Variants in FNDC7 observed in about 807,000 individuals in gnomAD.
FNDC7 encodes fibronectin type III domain-containing protein 7.
FNDC7 carries 66 observed loss-of-function variants against 74.2 expected under a neutral mutation model. That is an observed-to-expected ratio of 0.89 (90% CI 0.73 to 1.09). FNDC7 has a LOEUF of 1.09. Ranked by LOEUF, FNDC7 falls within the 50% of genes least tolerant of loss-of-function variation. The pLI is 0.00. For synonymous variants in FNDC7, 307 were observed against 330.2 expected, an observed-to-expected ratio of 0.93 and a Z score of 0.76; for missense variants, 829 against 893.4, an observed-to-expected ratio of 0.93 and a Z score of 0.92.
At chr1:108,726,074 A>G (rs1491003526) in intron 6 of FNDC7, 70 bp downstream of exon 6, 4 of 1,551,396 alleles carry the variant, frequency 2.6e-6, no homozygotes, top group Admixed American at 1.7e-5. Flanking sequence ...TGGATCACCT[A>G]TTCCACTTAT....
At chr1:108,722,828 A>G (rs1402569956) in intron 5 of FNDC7, among the ~76,000 whole-genome samples, 4 of 152,222 alleles carry the variant, frequency 2.6e-5, no homozygotes, top group Non-Finnish European at 5.9e-5. Flanking sequence ...TCTATTCCAG[A>G]TCTTTCATTA....
intron 10 of FNDC7, among the ~76,000 whole-genome samples, chr1:108,735,323 C>T: frequency 6.6e-6 from 1 of 152,344 alleles, no homozygotes; most frequent in East Asian, 1.9e-4. Context: ...TCACTCCAGC[C>T]TCTGTAATGC....
At chr1:108,716,317 A>AGG (rs1368587302) in intron 2 of FNDC7, among the ~76,000 whole-genome samples, 1 of 59,424 alleles carries the variant, frequency 1.7e-5, no homozygotes, top group Non-Finnish European at 4.2e-5. Flanking sequence ...GGAGCAGAAG[A>AGG]GAGGTGTGTG....
chr1:108,725,965 G>A lies in FNDC7; in HGVS notation c.1072G>A (p.Gly358Arg). ...TAGTGTTTTTGTCTATAACAAGGCA[G>A]GGCAAAGTCCTTTGGGTGACATATT... ...FISVFVYNKAGQSPLGDIFNY... is the reference protein window; with the variant it reads ...FISVFVYNKARQSPLGDIFNY... Residue 358 changes from glycine (G) to arginine (R), a missense_variant, in exon 6 of 13, where the codon GGG becomes AGG. By Grantham distance (125) the Gly-to-Arg change is moderately radical (BLOSUM62 -2). Coordinates refer to ENST00000370017, the MANE Select transcript of FNDC7 (RefSeq NM_001144937.3). 1 of 1,614,166 alleles carries A rather than the reference G, an allele frequency of 6.2e-7. No homozygotes were observed. The highest frequency in any genetic ancestry group is 1.1e-5 in the South Asian group (1 of 91,082).
chr1:108,713,777 A>G (rs1269854185), intron 2 of FNDC7, among the ~76,000 whole-genome samples: 1 of 152,264 alleles, frequency 6.6e-6, no homozygotes, highest in African/African-American at 2.4e-5. Context: ...TATAATGTAC[A>G]GAGCCATGTA....
chr1:108,726,043 T>A, intron 6 of FNDC7, 39 bp downstream of exon 6: 2 of 1,604,954 alleles, frequency 1.2e-6, no homozygotes, highest in South Asian at 1.1e-5. Flanking sequence ...AGTTCTGAGA[T>A]CTCTAACCTC....
Position 108,742,055 on chromosome 1 carries a change from GTCAGGTGTGTCC to G in FNDC7, c.*172_*183del, listed in dbSNP as rs1421445866. On this transcript the variant is annotated 3_prime_UTR_variant, in exon 13 of 13. Coordinates refer to ENST00000370017, the MANE Select transcript of FNDC7 (RefSeq NM_001144937.3). ...TCTGACTCTGCTTCCTGAGGGCAAG[GTCAGGTGTGTCC>G]TCACCTGCACAGCAGTTGGAGATCT... 8 of 541,796 alleles carry G rather than the reference GTCAGGTGTGTCC, an allele frequency of 1.5e-5. No individual in the cohort carries two copies. Among genetic ancestry groups the G allele is most frequent in the Non-Finnish European group, 2.6e-5 (8 of 304,214 alleles). The allele number at this position is 541,796 out of a possible 1,614,324, so 33.6% of individuals were successfully genotyped here. A position where few individuals can be genotyped will look rare whatever the true frequency, so the allele number is the denominator to read the frequency against.
intron 4 of FNDC7, among the ~76,000 whole-genome samples, chr1:108,719,306 G>A (rs985363985): frequency 1.3e-5 from 2 of 152,154 alleles, no homozygotes; most frequent in Non-Finnish European, 2.9e-5. Context: ...CTCAATTTCA[G>A]CATTCACATT....
intron 4 of FNDC7, among the ~76,000 whole-genome samples, chr1:108,719,685 A>G (rs1401872267): frequency 6.6e-6 from 1 of 152,006 alleles, no homozygotes; most frequent in Non-Finnish European, 1.5e-5. Context: ...CCCCGAGCAA[A>G]GGACTCTGCA....
rs1661016248 is a variant in FNDC7 at position 108,717,973 on chromosome 1, C to T, written c.279C>T (p.Ile93=). 6.4e-7 allele frequency: 1 copy of T among 1,551,772 alleles called. No homozygotes were observed. The highest frequency in any genetic ancestry group is 2.0e-5 in the Admixed American group (1 of 51,014). The change falls in exon 3 of 13, where the codon ATC becomes ATT. Residue 93 remains isoleucine (I), a synonymous_variant. Coordinates refer to ENST00000370017, the MANE Select transcript of FNDC7 (RefSeq NM_001144937.3). ...LKAATWYEIT[I]RSISAAGRSQ... ...CTGCAACCTGGTATGAAATCACCAT[C>T]AGATCCATCAGCGCTGCTGGGAGAA...
At position 108,734,673 on chromosome 1, in the gene FNDC7, T is replaced by C. The variant is rs1444334878; in HGVS notation, c.2140+1141T>C. ...ATTGTCCCTGGCTGTCATGCTCTGA[T>C]TCCTTGTTTTTCCATTATTTGGTCC... On this transcript the variant is annotated intron_variant, in intron 10 of 12. Coordinates refer to ENST00000370017, the MANE Select transcript of FNDC7 (RefSeq NM_001144937.3). 2.2e-4 allele frequency: 33 copies of C among 152,186 alleles called. 1 individual carries two copies. The highest frequency in any genetic ancestry group is 2.2e-3 in the Admixed American group (33 of 15,276). The allele number at this position is 152,186 out of a possible 1,614,324, so 9.4% of individuals were successfully genotyped here.
At position 108,730,829 on chromosome 1, in the gene FNDC7, C is replaced by T. The variant is rs71655961; in HGVS notation, c.1780C>T (p.Leu594=). The change falls in exon 9 of 13, where the codon CTA becomes TTA. Residue 594 remains leucine (L), a synonymous_variant. Transcript: ENST00000370017. The stretch of plus-strand genomic sequence containing the variant: ...TCACACTCATCAAAACCACTGCCTC[C>T]TAGGATGCATCACATGTGGCATCAA... The part of the protein sequence containing the change: ...KCHTHQNHCL[L]GCITCGINYT... 6.2e-7 allele frequency: 1 copy of T among 1,613,924 alleles called. No homozygotes were observed. The highest frequency in any genetic ancestry group is 1.7e-5 in the Admixed American group (1 of 60,018).
At chr1:108,721,650 CT>C (rs890172067) in intron 4 of FNDC7, among the ~76,000 whole-genome samples, 1 of 152,110 alleles carries the variant, frequency 6.6e-6, no homozygotes, top group Non-Finnish European at 1.5e-5. Flanking sequence ...CCTTCTTACG[CT>C]TTTTTAATGC....
Position 108,728,013 on chromosome 1 carries a change from C to T in FNDC7, c.1317C>T (p.Phe439=), listed in dbSNP as rs1170557554. Residue 439 remains phenylalanine, a synonymous_variant, in exon 7 of 13, where the codon TTC becomes TTT. Transcript: ENST00000370017. ...AGTACAACATCACAGTGTATTCATT[C>T]AATGAAGTCCGAGGCAGCAATATGT... ...DTKYNITVYS[F]NEVRGSNMSC... The T allele has an allele frequency of 6.2e-7, 1 of 1,614,016 alleles. No individual in the cohort carries two copies. Among genetic ancestry groups the T allele is most frequent in the Non-Finnish European group, 8.5e-7 (1 of 1,180,038 alleles).
chr1:108,737,417 T>C (rs918053258), intron 10 of FNDC7, 78 bp from the exon 11 acceptor site: 11 of 1,333,416 alleles, frequency 8.2e-6, no homozygotes, highest in Non-Finnish European at 4.1e-6. Flanking sequence ...CCTTTTATTC[T>C]TTCTTAAGTT....
rs769603053 is a variant in FNDC7 at position 108,726,003 on chromosome 1, A to G, written c.1110A>G (p.Thr370=). The G allele has an allele frequency of 6.2e-7, 1 of 1,614,030 alleles. No homozygotes were observed. Among genetic ancestry groups the G allele is most frequent in the East Asian group, 2.2e-5 (1 of 44,882 alleles). ...TGGGTGACATATTCAATTATACCAC[A>G]GGTAAGTCCCATTTGATGTTTGTTA... ...SPLGDIFNYT[T]APCCPSDINP... is the part of the protein sequence containing the mutation. The change falls in exon 6 of 13, where the codon ACA becomes ACG. Residue 370 remains threonine (T), a splice_region_variant and synonymous_variant. Coordinates refer to ENST00000370017, the MANE Select transcript of FNDC7 (RefSeq NM_001144937.3).
chr1:108,735,533 A>T (rs1661490486), intron 10 of FNDC7, among the ~76,000 whole-genome samples: 1 of 152,246 alleles, frequency 6.6e-6, no homozygotes, highest in Non-Finnish European at 1.5e-5. Flanking sequence ...TGAAAAATTA[A>T]ATTTTCTAGT....
At position 108,717,646 on chromosome 1, in the gene FNDC7, A is replaced by G. The variant is rs1661002140; in HGVS notation, c.83-131A>G. ...CTTTCTTTTTCTCTGTTTTTCCTTG[A>G]TCTGAATAATAAGGGCAAAACTTCT... On this transcript the variant is annotated intron_variant, in intron 2 of 12. Transcript: ENST00000370017. The G allele has an allele frequency of 3.2e-6, 3 of 935,444 alleles. No individual in the cohort carries two copies. In the Admixed American group the frequency reaches 7.8e-5, roughly 24 times the overall value. 57.9% of individuals were successfully genotyped at this position (935,444 alleles called of 1,614,324 possible).
At chr1:108,725,561 T>C (rs1270233752) in intron 5 of FNDC7, among the ~76,000 whole-genome samples, 189 bp from the exon 6 acceptor site, 1 of 152,232 alleles carries the variant, frequency 6.6e-6, no homozygotes, top group Non-Finnish European at 1.5e-5. Flanking sequence ...GCCTGTAACA[T>C]AGCCTTTGGT....
Sources: allele counts gnomAD v4.1 joint callset (sites outside exome capture counted in the v4.1 genomes callset), GRCh38; gene constraint gnomAD v4.1.1; transcripts MANE v1.5; gene names NCBI Gene and HGNC (gene_info 2026-07-23, HGNC 2026-07-21).